Variants in GPR149 observed in about 807,000 individuals in gnomAD.
GPR149 encodes the protein G protein-coupled receptor 149.
Under a neutral mutation model 50.2 loss-of-function variants are expected in GPR149, and 50 were observed. The ratio of observed to expected loss-of-function variants is 1.00; its 90% CI spans 0.79 to 1.26. The LOEUF is 1.26. Ranked by LOEUF, GPR149 falls within the 50% of genes most tolerant of loss-of-function variation. GPR149 has a pLI of 0.00. For synonymous variants in GPR149, 405 were observed against 358.2 expected (o/e 1.13, Z -1.48); for missense variants, 983 against 895.4 (o/e 1.10, Z -1.25).
chr3:154,361,611 C>T (rs1195816378), intron 3 of GPR149, among the ~76,000 whole-genome samples: 1 of 152,036 alleles, frequency 6.6e-6, no homozygotes, highest in Non-Finnish European at 1.5e-5. Flanking sequence ...CTTTTGTTTT[C>T]AAAAATTTTG....
chr3:154,392,872 G>T (rs1715201390), intron 3 of GPR149, among the ~76,000 whole-genome samples: 1 of 151,880 alleles, frequency 6.6e-6, no homozygotes, highest in Admixed American at 6.6e-5. Context: ...ACCTACCAAG[G>T]TTGAGTCATG....
At chr3:154,394,921 TC>T (rs1715255028) in intron 3 of GPR149, among the ~76,000 whole-genome samples, 1 of 152,170 alleles carries the variant, frequency 6.6e-6, no homozygotes, top group Non-Finnish European at 1.5e-5. Context: ...CTAATAGCAT[TC>T]CAACTGTTAG....
At chr3:154,341,640 C>T (rs924270604) in intron 3 of GPR149, among the ~76,000 whole-genome samples, 75 of 151,972 alleles carry the variant, frequency 4.9e-4, no homozygotes, top group African/African-American at 1.6e-3. Flanking sequence ...AAAACTATTT[C>T]GCAACTATGG....
chr3:154,384,814 T>C (rs1172684036), intron 3 of GPR149, among the ~76,000 whole-genome samples: 2 of 152,234 alleles, frequency 1.3e-5, no homozygotes, highest in Non-Finnish European at 2.9e-5. Context: ...TTAGGGCTTG[T>C]CATTGGAATT....
chr3:154,345,279 T>C (rs1412271366), intron 3 of GPR149, among the ~76,000 whole-genome samples: 5 of 152,234 alleles, frequency 3.3e-5, no homozygotes, highest in East Asian at 1.9e-4. Context: ...AACAGCCTTA[T>C]ATAATAAATG....
chr3:154,400,736 T>C (rs1408465033), intron 3 of GPR149, among the ~76,000 whole-genome samples: 1 of 152,230 alleles, frequency 6.6e-6, no homozygotes, highest in Non-Finnish European at 1.5e-5. Context: ...AGAATTAAGT[T>C]ATACGCAGTT....
At chr3:154,419,520 T>A (rs561691731) in intron 3 of GPR149, among the ~76,000 whole-genome samples, 1 of 152,066 alleles carries the variant, frequency 6.6e-6, no homozygotes, top group African/African-American at 2.4e-5. Context: ...TGATACCATC[T>A]TTAGAAGGCT....
chr3:154,354,698 T>TATAGTACAAA (rs1343495092), intron 3 of GPR149: 6 of 468,328 alleles, frequency 1.3e-5, no homozygotes. Flanking sequence ...TAGTACAAAT[T>TATAGTACAAA]AGGTTCAATA....
At chr3:154,383,179 A>T (rs1220398621) in intron 3 of GPR149, among the ~76,000 whole-genome samples, 1 of 152,186 alleles carries the variant, frequency 6.6e-6, no homozygotes, top group Non-Finnish European at 1.5e-5. Context: ...GAAAATAAAT[A>T]GTGAGGCTGG....
At chr3:154,418,359 T>A (rs1470314963) in intron 3 of GPR149, among the ~76,000 whole-genome samples, 4 of 106,490 alleles carry the variant, frequency 3.8e-5, no homozygotes, top group Non-Finnish European at 7.6e-5. Context: ...TAAAGACACA[T>A]GCACAGGTAT....
intron 3 of GPR149, among the ~76,000 whole-genome samples, chr3:154,392,763 A>G (rs957945502): frequency 1.3e-5 from 2 of 151,898 alleles, no homozygotes; most frequent in Admixed American, 1.3e-4. Flanking sequence ...TGATGGAACC[A>G]AACTATTAAT....
chr3:154,352,302 G>T, intron 3 of GPR149: 1 of 908,382 alleles, frequency 1.1e-6, no homozygotes, highest in South Asian at 1.5e-5. Context: ...CCAGCCACTT[G>T]ACCAGCCATT....
At position 154,421,049 on chromosome 3, in the gene GPR149, G is replaced by T; in HGVS notation, c.1613C>A (p.Thr538Asn). The change falls in exon 3 of 4, where the codon ACC (threonine) becomes AAC (asparagine). Residue 538 changes from threonine (T) to asparagine (N), a missense_variant. By Grantham distance (65) the Thr-to-Asn change is moderately conservative. Coordinates refer to ENST00000389740, the MANE Select transcript of GPR149 (RefSeq NM_001038705.3). ...CAACTTTTACTGTACCTGACGAGGGGTTCTTTCTGATTTACTCCTACACCA... is the reference window on the plus strand; with the variant it reads ...CAACTTTTACTGTACCTGACGAGGGTTTCTTTCTGATTTACTCCTACACCA... ...WEWCRSKSERTPRQRSGYALA... is the reference protein window; with the variant it reads ...WEWCRSKSERNPRQRSGYALA... The T allele has an allele frequency of 2.5e-6, 4 of 1,603,046 alleles. No individual in the cohort carries two copies. Among genetic ancestry groups the T allele is most frequent in the Non-Finnish European group, 2.6e-6 (3 of 1,175,338 alleles).
chr3:154,340,121 G>GA (rs1036920338), intron 3 of GPR149, among the ~76,000 whole-genome samples: 9 of 151,944 alleles, frequency 5.9e-5, no homozygotes, highest in Non-Finnish European at 1.2e-4. Flanking sequence ...TGAGAGACTA[G>GA]AAAAAAATAC....
chr3:154,371,244 C>T (rs1413282711), intron 3 of GPR149, among the ~76,000 whole-genome samples: 1 of 152,170 alleles, frequency 6.6e-6, no homozygotes, highest in Non-Finnish European at 1.5e-5. Flanking sequence ...GAGACTAGTG[C>T]AAGACCTCAG....
rs762168943 is a variant in GPR149, at chr3:154,428,639, A to G, written c.977T>C (p.Met326Thr). Residue 326 changes from methionine to threonine, a missense_variant, in exon 1 of 4, where the codon ATG (methionine) becomes ACG (threonine). Coordinates refer to ENST00000389740, the MANE Select transcript of GPR149 (RefSeq NM_001038705.3). ...ALTKVVLWLP[M>T]MMHMVVQNVV... ...TGTGAGCAACTGCACTTTTACCATC[A>G]TGGGCAGCCAAAGGACGACTTTTGT... 56 of 1,611,594 alleles carry G rather than the reference A, an allele frequency of 3.5e-5. 2 individuals carry two copies. The East Asian group carries it at 5.6e-4, about 16-fold the overall frequency.
At chr3:154,356,939 A>G (rs1316851615) in intron 3 of GPR149, among the ~76,000 whole-genome samples, 1 of 152,200 alleles carries the variant, frequency 6.6e-6, no homozygotes, top group Non-Finnish European at 1.5e-5. Context: ...CTATACTACA[A>G]GCCTACAGTA....
chr3:154,428,915 C>G lies in GPR149; in HGVS notation c.701G>C (p.Arg234Pro). ...RLHSNYQEIS[R>P]GASIPGTPPT... Reference sequence around the variant, plus strand: ...AGGGGTCCCAGGAATTGAAGCTCCACGGGAAATTTCCTGGTAGTTGGAGTG... The same window carrying G: ...AGGGGTCCCAGGAATTGAAGCTCCAGGGGAAATTTCCTGGTAGTTGGAGTG... The change falls in exon 1 of 4, where the codon CGT becomes CCT. Residue 234 changes from arginine to proline, a missense_variant. Transcript: ENST00000389740. 5.0e-6 allele frequency: 8 copies of G among 1,614,058 alleles called. No individual in the cohort carries two copies. Among genetic ancestry groups the G allele is most frequent in the Non-Finnish European group, 6.8e-6 (8 of 1,179,978 alleles).
At chr3:154,348,281 G>T (rs528404671) in intron 3 of GPR149, among the ~76,000 whole-genome samples, 1 of 152,114 alleles carries the variant, frequency 6.6e-6, no homozygotes, top group Admixed American at 6.6e-5. Context: ...GTTTATTCTT[G>T]TAGTCTAAAT....
Sources: gnomAD v4.1 joint callset for allele counts (sites outside exome capture counted in the v4.1 genomes callset) on GRCh38, gnomAD v4.1.1 for gene constraint, MANE v1.5 for transcripts, NCBI Gene and HGNC (gene_info 2026-07-23, HGNC 2026-07-21) for gene names.